SYTL5: variants seen among roughly 807,000 people sequenced by gnomAD.
The protein encoded by SYTL5 is synaptotagmin like 5, also known as synaptotagmin-like protein 5.
In SYTL5, 34 loss-of-function variants were observed where a neutral mutation model predicts 55.9. The observed-to-expected ratio is 0.61, with a 90% CI of 0.46 to 0.81. The LOEUF is 0.81. SYTL5 is among the 30% of genes least tolerant of loss of function. SYTL5 has a pLI of 0.00. For synonymous variants in SYTL5, 221 were observed against 188.7 expected (o/e 1.17, Z -1.40); for missense variants, 637 against 546.7 (o/e 1.17, Z -1.65).
At chrX:38,006,701 G>C (rs1933999319) in intron 1 of SYTL5, 33 bp downstream of exon 1, 1 of 111,298 alleles carries the variant, frequency 9.0e-6, no homozygotes, top group African/African-American at 3.3e-5. Flanking sequence ...TCTCCAGTGT[G>C]ATATCTGATT....
chrX:38,066,173 C>T (rs1325609842), intron 3 of SYTL5, among the ~76,000 whole-genome samples: 5 of 111,774 alleles, frequency 4.5e-5, no homozygotes, highest in Non-Finnish European at 9.4e-5. Flanking sequence ...TAGAAAGGAA[C>T]TAATATCTTA....
intron 1 of SYTL5, among the ~76,000 whole-genome samples, chrX:38,025,128 A>C (rs1934718037): frequency 8.9e-6 from 1 of 112,210 alleles, no homozygotes; most frequent in Middle Eastern, 4.6e-3. Context: ...AGGCATCCTC[A>C]AGGGTATTTT....
chrX:38,094,484 C>T, intron 8 of SYTL5, 60 bp downstream of exon 8: 3 of 1,106,767 alleles, frequency 2.7e-6, no homozygotes, highest in Non-Finnish European at 3.7e-6. Flanking sequence ...ATGGAATTGA[C>T]TGCTATGTGT....
the SYTL5 span, among the ~76,000 whole-genome samples, chrX:37,942,341 T>C: frequency 8.9e-6 from 1 of 112,190 alleles, no homozygotes; most frequent in Admixed American, 9.5e-5. Context: ...CTGCTTCTCC[T>C]GACAAGTACC....
the SYTL5 span, among the ~76,000 whole-genome samples, chrX:37,974,047 G>A: frequency 1.8e-5 from 2 of 111,563 alleles, no homozygotes; most frequent in East Asian, 2.8e-4. Flanking sequence ...AGGGGTTGGT[G>A]GGTAGGAGAA....
intron 12 of SYTL5, among the ~76,000 whole-genome samples, chrX:38,109,587 T>C (rs1013972869): frequency 4.6e-5 from 5 of 108,703 alleles, no homozygotes; most frequent in African/African-American, 1.7e-4. Flanking sequence ...CCAAACACAG[T>C]GAGAGGGTAA....
chrX:37,919,258 G>C, the SYTL5 span, among the ~76,000 whole-genome samples: 2 of 111,226 alleles, frequency 1.8e-5, no homozygotes, highest in East Asian at 5.6e-4. Flanking sequence ...GGTACTCCTT[G>C]TTTTTCCTCC....
At chrX:37,930,060 A>T in the SYTL5 span, among the ~76,000 whole-genome samples, 1 of 111,186 alleles carries the variant, frequency 9.0e-6, no homozygotes, top group Admixed American at 9.5e-5. Context: ...TTGTTTTCAT[A>T]GCAAATGTAT....
At chrX:38,000,448 G>C in the SYTL5 span, among the ~76,000 whole-genome samples, 9 of 112,451 alleles carry the variant, frequency 8.0e-5, no homozygotes, top group African/African-American at 1.3e-4. Flanking sequence ...TGGACGTGTG[G>C]CTCACTTCTT....
intron 1 of SYTL5, among the ~76,000 whole-genome samples, chrX:38,032,940 G>A: frequency 9.0e-6 from 1 of 111,433 alleles, no homozygotes; most frequent in Non-Finnish European, 1.9e-5. Flanking sequence ...GCCCAGGCTA[G>A]TCTGAAACTC....
chrX:37,899,431 G>C, the SYTL5 span, among the ~76,000 whole-genome samples: 1 of 111,777 alleles, frequency 8.9e-6, no homozygotes, highest in African/African-American at 3.3e-5. Flanking sequence ...GTATTATCAT[G>C]CTCACTTAAC....
chrX:38,090,020 T>C (rs1255406707), intron 7 of SYTL5, among the ~76,000 whole-genome samples: 3 of 112,239 alleles, frequency 2.7e-5, no homozygotes, highest in Non-Finnish European at 5.6e-5. Context: ...TTTATGCTGC[T>C]GAAAGGTAGA....
At chrX:37,944,985 C>T in the SYTL5 span, among the ~76,000 whole-genome samples, 3 of 112,491 alleles carry the variant, frequency 2.7e-5, no homozygotes, top group Non-Finnish European at 5.6e-5. Flanking sequence ...AATAGATGGT[C>T]GACTGATTTC....
the SYTL5 span, among the ~76,000 whole-genome samples, chrX:37,919,668 T>C: frequency 1.8e-5 from 2 of 112,265 alleles, no homozygotes; most frequent in African/African-American, 6.5e-5. Flanking sequence ...GAAAAGGCTT[T>C]GGATATAGAT....
In SYTL5 at chrX:38,076,470, C is replaced by G. The variant is rs181095995; in HGVS notation, c.555-97C>G. ...CCCTAAGGCTGCTTTATTGAAGAAT[C>G]CTTTATTATTAAAAGTACTAGAAAT... On this transcript the variant is annotated intron_variant, in intron 5 of 16. Coordinates refer to ENST00000297875, the MANE Select transcript of SYTL5 (RefSeq NM_138780.3). 4.5e-4 allele frequency: 344 copies of G among 767,581 alleles called. 1 individual carries two copies. In the African/African-American group the frequency reaches 6.7e-3, roughly 15 times the overall value. The allele number at this position is 767,581 out of a possible 1,213,427, so 63.3% of individuals were successfully genotyped here.
chrX:38,057,253 T>C (rs1935815768), intron 3 of SYTL5, among the ~76,000 whole-genome samples: 1 of 111,873 alleles, frequency 8.9e-6, no homozygotes, highest in African/African-American at 3.2e-5. Context: ...CTTTCCCCAA[T>C]GTATGATTCT....
At chrX:37,921,877 G>T in the SYTL5 span, among the ~76,000 whole-genome samples, 14 of 111,793 alleles carry the variant, frequency 1.3e-4, no homozygotes, top group African/African-American at 4.5e-4. Context: ...TGATCAGAGT[G>T]ACTTTGTTTC....
the SYTL5 span, among the ~76,000 whole-genome samples, chrX:37,936,632 T>C: frequency 8.9e-6 from 1 of 112,226 alleles, no homozygotes; most frequent in Non-Finnish European, 1.9e-5. Context: ...GGCAAATTCT[T>C]ATGGTCAACC....
intron 1 of SYTL5, among the ~76,000 whole-genome samples, chrX:38,029,925 T>C (rs1298077099): frequency 1.8e-5 from 2 of 111,603 alleles, no homozygotes; most frequent in Non-Finnish European, 3.8e-5. Context: ...CATTTGCCAG[T>C]TTCTAAGTTT....
Sources: allele counts gnomAD v4.1 joint callset (sites outside exome capture counted in the v4.1 genomes callset), GRCh38; gene constraint gnomAD v4.1.1; transcripts MANE v1.5; gene names NCBI Gene and HGNC (gene_info 2026-07-23, HGNC 2026-07-21).